The following DTNA variants were observed in gnomAD, a reference collection of about 807,000 sequenced individuals.
DTNA encodes dystrophin-related protein 3.
In DTNA, 43 loss-of-function variants were observed where a neutral mutation model predicts 100.7. That is an observed-to-expected ratio of 0.43 (90% CI 0.33 to 0.55). The LOEUF (loss-of-function observed/expected upper bound fraction) is 0.55, where lower values mean the gene tolerates loss of function less well. Ranked by LOEUF, DTNA falls within the 20% of genes least tolerant of loss-of-function variation. The probability of loss-of-function intolerance (pLI) is 0.04; values close to 1 mark genes in which losing one functional copy is unlikely to be tolerated. For missense variants in DTNA, 798 were observed against 953.9 expected (o/e 0.84, Z 2.15); for synonymous variants, 349 against 347.9 (o/e 1.00, Z -0.04).
Position 34,507,092 on chromosome 18 carries a change from T to C in DTNA, c.-2+13578T>C, listed in dbSNP as rs182556775. On this transcript the variant is annotated intron_variant, in intron 1 of 19. Coordinates refer to the DTNA transcript ENST00000283365. Reference sequence around the variant, plus strand: ...GATGGGTTCACAATGCAGTCCATCATTGTAGGATTCATGGACCACAGGCAG... The same window carrying C: ...GATGGGTTCACAATGCAGTCCATCACTGTAGGATTCATGGACCACAGGCAG... Among the ~76,000 whole-genome samples, 12 of 152,292 alleles carry C rather than the reference T, an allele frequency of 7.9e-5. No individual in the cohort carries two copies. In the East Asian group the frequency reaches 1.7e-3, roughly 22 times the overall value.
chr18:34,855,300 A>G (rs943107539), intron 15 of DTNA, among the ~76,000 whole-genome samples: 3 of 152,226 alleles, frequency 2.0e-5, no homozygotes, highest in Non-Finnish European at 4.4e-5. Flanking sequence ...GAATGTCCGC[A>G]TGTTTATGGC....
In DTNA at chr18:34,818,494, TTA is replaced by T; in HGVS notation, c.876+165_876+166del. The T allele has an allele frequency of 5.3e-6, 8 of 1,513,384 alleles. No individual in the cohort carries two copies. The South Asian group carries it at 6.2e-5, about 12-fold the overall frequency. The allele number at this position is 1,513,384 out of a possible 1,614,324, so 93.7% of individuals were successfully genotyped here. The stretch of plus-strand genomic sequence containing the variant: ...CCACTCTCCACCCTACTGCGTGCTC[TTA>T]CTTATTCTGTTGGAACCCAGTGTAG... On this transcript the variant is annotated intron_variant, in intron 8 of 22. Coordinates refer to ENST00000444659, the MANE Select transcript of DTNA (RefSeq NM_001386795.1).
At chr18:34,690,440 C>T (rs1042904383) in intron 1 of DTNA, among the ~76,000 whole-genome samples, 8 of 152,286 alleles carry the variant, frequency 5.3e-5, no homozygotes, top group Admixed American at 1.3e-4. Flanking sequence ...CACCCTGCTT[C>T]GGCTGGCCCT....
At chr18:34,645,243 A>T (rs557033611) in intron 1 of DTNA, among the ~76,000 whole-genome samples, 1 of 152,232 alleles carries the variant, frequency 6.6e-6, no homozygotes, top group South Asian at 2.1e-4. Context: ...TTGTTAAATA[A>T]ATAGTGTGAT....
chr18:34,800,839 T>C (rs2095179967), intron 4 of DTNA, among the ~76,000 whole-genome samples: 1 of 152,216 alleles, frequency 6.6e-6, no homozygotes, highest in Non-Finnish European at 1.5e-5. Flanking sequence ...TACCGATCAA[T>C]ATCTATTTGT....
Position 34,888,302 on chromosome 18 carries a change from G to A in DTNA, c.*568G>A. ...AGCAATTGGAAAAAAACAACCACTTGCAATCATTCAATAACCCTGAAGAAT... is the reference window on the plus strand; with the variant it reads ...AGCAATTGGAAAAAAACAACCACTTACAATCATTCAATAACCCTGAAGAAT... On this transcript the variant is annotated 3_prime_UTR_variant, in exon 23 of 23. Coordinates refer to ENST00000444659, the MANE Select transcript of DTNA (RefSeq NM_001386795.1). The A allele has an allele frequency of 1.0e-6, 1 of 985,736 alleles. No individual in the cohort carries two copies. The highest frequency in any genetic ancestry group is 1.2e-6 in the Non-Finnish European group (1 of 829,926). 61.1% of individuals were successfully genotyped at this position (985,736 alleles called of 1,614,324 possible).
chr18:34,678,947 T>C (rs1004851225), intron 1 of DTNA, among the ~76,000 whole-genome samples: 2 of 152,200 alleles, frequency 1.3e-5, no homozygotes, highest in Non-Finnish European at 2.9e-5. Context: ...CACCTTGTTG[T>C]AGTCCACTCT....
intron 1 of DTNA, among the ~76,000 whole-genome samples, chr18:34,581,246 T>TCAAAACAAAACAAAA (rs10671354): frequency 4.3e-4 from 62 of 144,906 alleles, no homozygotes; most frequent in Non-Finnish European, 3.9e-4. Flanking sequence ...AGATTGGGTC[T>TCAAAACAAAACAAAA]CAAAACAAAA....
upstream of DTNA, among the ~76,000 whole-genome samples, chr18:34,708,534 A>G (rs2082395116): frequency 6.6e-6 from 1 of 152,204 alleles, no homozygotes; most frequent in Admixed American, 6.5e-5. Flanking sequence ...TCCATTTCAT[A>G]CTAGAAATAT....
chr18:34,693,021 T>G (rs2079999934), intron 1 of DTNA, among the ~76,000 whole-genome samples: 1 of 152,102 alleles, frequency 6.6e-6, no homozygotes, highest in African/African-American at 2.4e-5. Context: ...ATAACACTAT[T>G]CAAGGGCCAT....
rs558625131 is a variant in DTNA at position 34,553,745 on chromosome 18, G to A, written c.-2+60231G>A. 1.1e-4 allele frequency among the ~76,000 whole-genome samples: 16 copies of A among 152,216 alleles called. No individual in the cohort carries two copies. In the East Asian group the frequency reaches 3.1e-3, roughly 29 times the overall value. On this transcript the variant is annotated intron_variant, in intron 1 of 19. Coordinates refer to the DTNA transcript ENST00000283365. ...TTCTGTTCCATTGATCTATATCTCT[G>A]TTTTGGTACCAGTACCATGCTGTTT...
chr18:34,534,878 T>C (rs962408428), intron 1 of DTNA, among the ~76,000 whole-genome samples: 14 of 152,158 alleles, frequency 9.2e-5, no homozygotes, highest in African/African-American at 3.4e-4. Context: ...ACATTTTCTT[T>C]ATCCAGTCTA....
intron 1 of DTNA, among the ~76,000 whole-genome samples, chr18:34,505,249 C>G: frequency 6.6e-6 from 1 of 152,214 alleles, no homozygotes; most frequent in Middle Eastern, 3.2e-3. Context: ...TTTCTTTCCT[C>G]TGTCATCGTA....
intron 1 of DTNA, among the ~76,000 whole-genome samples, chr18:34,506,464 A>C (rs925624841): frequency 2.0e-5 from 3 of 152,170 alleles, no homozygotes; most frequent in African/African-American, 7.2e-5. Context: ...ACAGCTTGGC[A>C]AGGATGGAAG....
At chr18:34,794,954 G>GCAGCATGTT (rs2094906606) in intron 4 of DTNA, among the ~76,000 whole-genome samples, 4 of 152,188 alleles carry the variant, frequency 2.6e-5, no homozygotes, top group African/African-American at 9.6e-5. Context: ...GTTAGTGGCC[G>GCAGCATGTT]AGTGGGGACT....
chr18:34,581,155 G>A (rs1175705691), intron 1 of DTNA, among the ~76,000 whole-genome samples: 1 of 152,208 alleles, frequency 6.6e-6, no homozygotes, highest in African/African-American at 2.4e-5. Context: ...GACTGAGGCA[G>A]GAGAATGGCG....
chr18:34,602,704 A>AAC (rs995261215), intron 1 of DTNA, among the ~76,000 whole-genome samples: 3 of 151,978 alleles, frequency 2.0e-5, no homozygotes, highest in African/African-American at 4.8e-5. Context: ...TCTACAAAAA[A>AAC]AAACAAACAA....
At chr18:34,773,867 A>G (rs2093909657) in intron 3 of DTNA, among the ~76,000 whole-genome samples, 1 of 152,200 alleles carries the variant, frequency 6.6e-6, no homozygotes, top group Non-Finnish European at 1.5e-5. Context: ...TCTTCCCTTT[A>G]ATGGTTTTTA....
upstream of DTNA, among the ~76,000 whole-genome samples, chr18:34,707,287 C>G (rs2082233599): frequency 6.6e-6 from 1 of 152,136 alleles, no homozygotes; most frequent in African/African-American, 2.4e-5. Flanking sequence ...TCTGAAGCAT[C>G]ATTACCTATG....
Sources: allele counts gnomAD v4.1 joint callset (sites outside exome capture counted in the v4.1 genomes callset), GRCh38; gene constraint gnomAD v4.1.1; transcripts MANE v1.5; gene names NCBI Gene and HGNC (gene_info 2026-07-23, HGNC 2026-07-21).